The following SENP7 variants were observed in gnomAD, a reference collection of about 807,000 sequenced individuals.
The protein encoded by SENP7 is sentrin-specific protease 7.
In SENP7, 64 loss-of-function variants were observed where a neutral mutation model predicts 141.2. The observed-to-expected ratio is 0.45, with a 90% CI of 0.37 to 0.56. The LOEUF is 0.56. Ranked by LOEUF, SENP7 falls within the 20% of genes least tolerant of loss-of-function variation. The pLI is 0.00. For missense variants in SENP7, 1,025 were observed against 1,212.2 expected (o/e 0.85, Z 2.29); for synonymous variants, 382 against 426.4 (o/e 0.90, Z 1.28).
At chr3:101,376,042 C>T (rs72940361) in intron 6 of SENP7, among the ~76,000 whole-genome samples, 1,900 of 151,996 alleles carry the variant, frequency 0.013, 35 homozygotes, top group African/African-American at 0.042. Flanking sequence ...AATGGTTGCA[C>T]AACAATATGG....
intron 3 of SENP7, among the ~76,000 whole-genome samples, chr3:101,463,293 G>A (rs1238374898): frequency 1.3e-5 from 2 of 149,792 alleles, no homozygotes; most frequent in African/African-American, 2.5e-5. Flanking sequence ...AGGCTGCAGT[G>A]AGCTATAATC....
intron 3 of SENP7, among the ~76,000 whole-genome samples, chr3:101,467,467 C>CT (rs2107942004): frequency 6.6e-6 from 1 of 152,318 alleles, no homozygotes; most frequent in South Asian, 2.1e-4. Context: ...GGCTGCCCCT[C>CT]TGGGACGAAG....
At chr3:101,495,414 G>A (rs889561629) in intron 2 of SENP7, among the ~76,000 whole-genome samples, 4 of 152,096 alleles carry the variant, frequency 2.6e-5, no homozygotes, top group African/African-American at 7.2e-5. Flanking sequence ...ATACCCAAAG[G>A]AATATAAATC....
intron 5 of SENP7, among the ~76,000 whole-genome samples, chr3:101,416,940 AT>A (rs1481630201): frequency 6.6e-6 from 1 of 152,160 alleles, no homozygotes; most frequent in Non-Finnish European, 1.5e-5. Context: ...GAAATTGTAA[AT>A]CGTGATGTAT....
chr3:101,406,332 G>T (rs1389213097), intron 5 of SENP7, among the ~76,000 whole-genome samples: 3 of 151,648 alleles, frequency 2.0e-5, no homozygotes, highest in Non-Finnish European at 2.9e-5. Flanking sequence ...CTATTGCAAG[G>T]ACAAAAAACC....
chr3:101,340,725 A>G (rs1176334936), intron 15 of SENP7, among the ~76,000 whole-genome samples: 2 of 152,190 alleles, frequency 1.3e-5, no homozygotes, highest in Admixed American at 6.5e-5. Context: ...CTTAGGAGGC[A>G]AGTCTCCCCA....
intron 6 of SENP7, among the ~76,000 whole-genome samples, chr3:101,384,029 C>T (rs2060582402): frequency 6.6e-6 from 1 of 152,244 alleles, no homozygotes; most frequent in Non-Finnish European, 1.5e-5. Context: ...AACCCCTGGA[C>T]TCAGCCAGAC....
At chr3:101,351,438 G>C (rs767599198) in intron 12 of SENP7, among the ~76,000 whole-genome samples, 180 bp downstream of exon 12, 2 of 151,686 alleles carry the variant, frequency 1.3e-5, no homozygotes, top group Admixed American at 6.6e-5. Flanking sequence ...AACACTGTTT[G>C]ATTTATAGTC....
intron 3 of SENP7, among the ~76,000 whole-genome samples, chr3:101,464,620 G>A (rs764671111): frequency 3.9e-5 from 6 of 152,042 alleles, no homozygotes; most frequent in Non-Finnish European, 7.4e-5. Context: ...AGGAAATCAA[G>A]CTCAGGTCTC....
intron 4 of SENP7, among the ~76,000 whole-genome samples, chr3:101,424,820 A>G (rs1462832072): frequency 1.3e-5 from 2 of 152,162 alleles, no homozygotes; most frequent in African/African-American, 2.4e-5. Flanking sequence ...ACTAGGCCAC[A>G]CTGCGTGATA....
intron 3 of SENP7, among the ~76,000 whole-genome samples, chr3:101,471,731 G>A (rs1356909728): frequency 1.3e-5 from 2 of 152,050 alleles, no homozygotes; most frequent in Non-Finnish European, 2.9e-5. Context: ...CAGAATGGGA[G>A]AAAATTTTTA....
chr3:101,387,612 G>A (rs1012601878), intron 6 of SENP7, among the ~76,000 whole-genome samples: 18 of 152,160 alleles, frequency 1.2e-4, no homozygotes, highest in Admixed American at 4.6e-4. Context: ...ACCACAGTGC[G>A]CCATCCAGAG....
intron 3 of SENP7, among the ~76,000 whole-genome samples, chr3:101,470,697 G>A (rs1463439415): frequency 6.6e-6 from 1 of 152,190 alleles, no homozygotes; most frequent in Non-Finnish European, 1.5e-5. Context: ...ATTAGGAAAT[G>A]AGGAAGTCAA....
intron 8 of SENP7, among the ~76,000 whole-genome samples, chr3:101,367,508 G>A (rs2060068079): frequency 6.6e-6 from 1 of 151,956 alleles, no homozygotes; most frequent in Non-Finnish European, 1.5e-5. Context: ...TAGACAGTAT[G>A]AATAGTATTT....
chr3:101,377,689 T>C (rs767531149), intron 6 of SENP7, among the ~76,000 whole-genome samples: 1 of 152,180 alleles, frequency 6.6e-6, no homozygotes, highest in Non-Finnish European at 1.5e-5. Context: ...TTTTAGAGCC[T>C]AATCAAGCAG....
chr3:101,448,578 A>AG (rs60701694), intron 4 of SENP7, among the ~76,000 whole-genome samples: 103,517 of 151,990 alleles, frequency 0.68, 35,758 homozygotes, highest in African/African-American at 0.78. Context: ...TTTGTCTCAG[A>AG]GAGTAAGCGG....
chr3:101,405,512 C>T (rs2061276283), intron 5 of SENP7, among the ~76,000 whole-genome samples: 1 of 152,120 alleles, frequency 6.6e-6, no homozygotes, highest in African/African-American at 2.4e-5. Flanking sequence ...GGTAATATGA[C>T]AAAATAAGGT....
intron 4 of SENP7, among the ~76,000 whole-genome samples, chr3:101,446,970 G>C (rs2062921193): frequency 6.6e-6 from 1 of 151,910 alleles, no homozygotes; most frequent in Non-Finnish European, 1.5e-5. Context: ...AGTTGACATT[G>C]TGCAAAAATA....
chr3:101,426,836 C>A (rs971328461), intron 4 of SENP7, among the ~76,000 whole-genome samples: 6 of 152,102 alleles, frequency 3.9e-5, no homozygotes, highest in Non-Finnish European at 7.4e-5. Context: ...ACCACACGAC[C>A]TGCCTTGGAA....
Sources: gnomAD v4.1 joint callset for allele counts (sites outside exome capture counted in the v4.1 genomes callset) on GRCh38, gnomAD v4.1.1 for gene constraint, MANE v1.5 for transcripts, NCBI Gene and HGNC (gene_info 2026-07-23, HGNC 2026-07-21) for gene names.